HENMT1: variants seen among roughly 807,000 people sequenced by gnomAD.
HENMT1 encodes HEN methyltransferase 1, also known as small RNA 2'-O-methyltransferase.
Under a neutral mutation model 31.1 loss-of-function variants are expected in HENMT1, and 27 were observed. That is an observed-to-expected ratio of 0.87 (90% CI 0.64 to 1.20). The LOEUF is 1.20. Among genes scored for constraint, HENMT1 ranks in the 50% most tolerant of loss-of-function variants. HENMT1 has a pLI of 0.00. For missense variants in HENMT1, 438 were observed against 469.6 expected, an observed-to-expected ratio of 0.93 and a Z score of 0.62; for synonymous variants, 167 against 172.2, an observed-to-expected ratio of 0.97 and a Z score of 0.24.
rs12130280 is a variant in HENMT1 at position 108,655,485 on chromosome 1, C to T, written c.263+101G>A. 7.4e-3 allele frequency: 4,695 copies of T among 638,594 alleles called. 28 individuals are homozygous for T. The highest frequency in any genetic ancestry group is 9.3e-3 in the Non-Finnish European group (3,617 of 389,282). 39.6% of individuals were successfully genotyped at this position (638,594 alleles called of 1,614,324 possible). Reference sequence around the variant, plus strand: ...CAGTGAGTTGAAGATCCCTAATGGCCCCAATCTTTTAAAACAAATATAAAA... The same window carrying T: ...CAGTGAGTTGAAGATCCCTAATGGCTCCAATCTTTTAAAACAAATATAAAA... On this transcript the variant is annotated intron_variant, in intron 4 of 7. Coordinates refer to ENST00000651461, the MANE Select transcript of HENMT1 (RefSeq NM_001102592.2).
intron 7 of HENMT1, 99 bp from the exon 8 acceptor site, chr1:108,649,090 G>T: frequency 1.1e-6 from 1 of 911,428 alleles, no homozygotes; most frequent in Non-Finnish European, 1.6e-6. Flanking sequence ...AAGAATAAAT[G>T]TACATATTGA....
chr1:108,660,526 T>C (rs1658421360), intron 1 of HENMT1, among the ~76,000 whole-genome samples: 1 of 152,218 alleles, frequency 6.6e-6, no homozygotes, highest in African/African-American at 2.4e-5. Context: ...TCTATTCAAT[T>C]CACTCACGAA....
At chr1:108,656,977 T>C (rs1308932416) in intron 3 of HENMT1, among the ~76,000 whole-genome samples, 1 of 152,220 alleles carries the variant, frequency 6.6e-6, no homozygotes, top group Non-Finnish European at 1.5e-5. Context: ...CTGTGCTTTG[T>C]GTTCCAGGAA....
rs1658454659 is a variant in HENMT1 at position 108,661,062 on chromosome 1, A to T, written c.-178T>A. ...AAACAAAGCTCGTCGCGGAGCCGCCAGCGTCCTCAACTCAGCGCCGCCCTG... is the reference window on the plus strand; with the variant it reads ...AAACAAAGCTCGTCGCGGAGCCGCCTGCGTCCTCAACTCAGCGCCGCCCTG... On this transcript the variant is annotated 5_prime_UTR_variant, in exon 1 of 8. Transcript: ENST00000651461. The T allele has an allele frequency of 1.1e-6, 1 of 946,072 alleles. No individual in the cohort carries two copies. Among genetic ancestry groups the T allele is most frequent in the African/African-American group, 1.8e-5 (1 of 56,428 alleles). The allele number at this position is 946,072 out of a possible 1,614,324, so 58.6% of individuals were successfully genotyped here.
In HENMT1 at chr1:108,648,876, T is replaced by G. The variant is rs761334549; in HGVS notation, c.872A>C (p.Lys291Thr). Reference protein sequence around the residue: ...SLRVSHLPRRKEQAGERGDKP... With the variant: ...SLRVSHLPRRTEQAGERGDKP... Reference sequence around the variant, plus strand: ...ATCACCCCGTTCCCCAGCCTGTTCTTTCCGCCTTGGCAGGTGGCTCACTCT... The same window carrying G: ...ATCACCCCGTTCCCCAGCCTGTTCTGTCCGCCTTGGCAGGTGGCTCACTCT... Residue 291 changes from lysine (K) to threonine (T), a missense_variant, in exon 8 of 8, where the codon AAA becomes ACA. By Grantham distance (78) the Lys-to-Thr change is moderately conservative (BLOSUM62 -1). Coordinates refer to ENST00000651461, the MANE Select transcript of HENMT1 (RefSeq NM_001102592.2). The G allele has an allele frequency of 6.2e-7, 1 of 1,614,250 alleles. No homozygotes were observed. The highest frequency in any genetic ancestry group is 8.5e-7 in the Non-Finnish European group (1 of 1,180,044).
intron 5 of HENMT1, among the ~76,000 whole-genome samples, chr1:108,652,654 T>C (rs1053716605): frequency 6.6e-6 from 1 of 152,032 alleles, no homozygotes; most frequent in Non-Finnish European, 1.5e-5. Context: ...CACAAGAAAA[T>C]TGTAAACCAG....
intron 5 of HENMT1, among the ~76,000 whole-genome samples, chr1:108,653,815 T>G (rs1458388090): frequency 6.6e-6 from 1 of 152,218 alleles, no homozygotes; most frequent in East Asian, 1.9e-4. Flanking sequence ...ATTAATCCCT[T>G]GATGAATACT....
At position 108,648,815 on chromosome 1, in the gene HENMT1, G is replaced by C. The variant is rs777779386; in HGVS notation, c.933C>G (p.Val311=). 6.2e-7 allele frequency: 1 copy of C among 1,614,198 alleles called. No individual in the cohort carries two copies. The highest frequency in any genetic ancestry group is 8.5e-7 in the Non-Finnish European group (1 of 1,180,028). The change falls in exon 8 of 8, where the codon GTC becomes GTG. Residue 311 remains valine, a synonymous_variant. Coordinates refer to ENST00000651461, the MANE Select transcript of HENMT1 (RefSeq NM_001102592.2). ...CTGTGAAGACTGGTCCAAAGCATGG[G>C]ACAGGGGCCTTTGAGCCACCAATGT... is the stretch of plus-strand genomic sequence containing the variant. ...PKDIGGSKAP[V]PCFGPVFTEV...
Position 108,648,662 on chromosome 1 carries a change from C to A in HENMT1, c.1086G>T (p.Met362Ile). ...LNRLCANEEM[M>I]RSVIADSIPL... ...GAATTGAGTCAGCAATGACTGATCT[C>A]ATCATCTCTTCATTAGCACATAAGC... Residue 362 changes from methionine to isoleucine, a missense_variant, in exon 8 of 8, where the codon ATG becomes ATT. Transcript: ENST00000651461. 1 of 1,614,202 alleles carries A rather than the reference C, an allele frequency of 6.2e-7. No homozygotes were observed. Among genetic ancestry groups the A allele is most frequent in the Non-Finnish European group, 8.5e-7 (1 of 1,180,028 alleles).
rs761187880 is a variant in HENMT1 at position 108,648,666 on chromosome 1, A to G, written c.1082T>C (p.Met361Thr). 1 of 1,614,128 alleles carries G rather than the reference A, an allele frequency of 6.2e-7. No individual in the cohort carries two copies. The highest frequency in any genetic ancestry group is 1.3e-5 in the African/African-American group (1 of 74,954). The change falls in exon 8 of 8, where the codon ATG becomes ACG. Residue 361 changes from methionine (M) to threonine (T), a missense_variant. Transcript: ENST00000651461. The part of the protein sequence containing the change: ...KLNRLCANEE[M>T]MRSVIADSIP... ...TGAGTCAGCAATGACTGATCTCATCATCTCTTCATTAGCACATAAGCGGTT... is the reference window on the plus strand; with the variant it reads ...TGAGTCAGCAATGACTGATCTCATCGTCTCTTCATTAGCACATAAGCGGTT...
At chr1:108,661,244 C>T (rs891449839), upstream of HENMT1, 2 of 152,314 alleles carry the variant, frequency 1.3e-5, no homozygotes, top group Non-Finnish European at 2.9e-5. Context: ...CGAGCTCCGT[C>T]CCTCTAGGCT....
At chr1:108,650,162 A>G (rs769691462) in intron 7 of HENMT1, 49 bp downstream of exon 7, 1 of 1,566,556 alleles carries the variant, frequency 6.4e-7, no homozygotes, top group Admixed American at 1.7e-5. Flanking sequence ...AAAGTTCACC[A>G]TCCTAATGTA....
intron 1 of HENMT1, among the ~76,000 whole-genome samples, chr1:108,660,246 A>G (rs1658408646): frequency 6.6e-6 from 1 of 152,120 alleles, no homozygotes; most frequent in African/African-American, 2.4e-5. Context: ...CACAGAATGT[A>G]TCCAGTATTT....
At chr1:108,655,498 A>G (rs1222936583) in intron 4 of HENMT1, 88 bp downstream of exon 4, 1 of 746,336 alleles carries the variant, frequency 1.3e-6, no homozygotes, top group Non-Finnish European at 2.1e-6. Flanking sequence ...AATCTTTTAA[A>G]ACAAATATAA....
At position 108,661,050 on chromosome 1, in the gene HENMT1, C is replaced by T; in HGVS notation, c.-166G>A. ...GCCCAACCGAAAAAACAAAGCTCGT[C>T]GCGGAGCCGCCAGCGTCCTCAACTC... On this transcript the variant is annotated 5_prime_UTR_variant, in exon 1 of 8. Transcript: ENST00000651461. 2 of 975,940 alleles carry T rather than the reference C, an allele frequency of 2.0e-6. No homozygotes were observed. The highest frequency in any genetic ancestry group is 2.4e-6 in the Non-Finnish European group (2 of 821,352). The allele number at this position is 975,940 out of a possible 1,614,324, so 60.5% of individuals were successfully genotyped here. A position where few individuals can be genotyped will look rare whatever the true frequency, so the allele number is the denominator to read the frequency against.
rs1436220104 is a variant in HENMT1 at position 108,654,815 on chromosome 1, T to C, written c.299A>G (p.Lys100Arg). 6.2e-7 allele frequency: 1 copy of C among 1,614,114 alleles called. No homozygotes were observed. The highest frequency in any genetic ancestry group is 1.1e-5 in the South Asian group (1 of 91,082). ...SLAPFLGDFLKPRDLNLTITL... is the reference protein window; with the variant it reads ...SLAPFLGDFLRPRDLNLTITL... ...GATGGTCAAATTCAGATCCCGAGGTTTCAGAAAATCCCCCAGGAAAGGAGC... is the reference window on the plus strand; with the variant it reads ...GATGGTCAAATTCAGATCCCGAGGTCTCAGAAAATCCCCCAGGAAAGGAGC... The change falls in exon 5 of 8, where the codon AAA becomes AGA. Residue 100 changes from lysine to arginine, a missense_variant. Coordinates refer to ENST00000651461, the MANE Select transcript of HENMT1 (RefSeq NM_001102592.2).
At chr1:108,657,645 G>GAAA in intron 2 of HENMT1, 66 bp from the exon 3 acceptor site, 1 of 1,399,988 alleles carries the variant, frequency 7.1e-7, no homozygotes, top group Admixed American at 2.4e-5. Flanking sequence ...TAAATAAGGG[G>GAAA]CAAAAAAAAA....
At chr1:108,652,423 A>G (rs1323926196) in intron 5 of HENMT1, among the ~76,000 whole-genome samples, 1 of 152,224 alleles carries the variant, frequency 6.6e-6, no homozygotes, top group Non-Finnish European at 1.5e-5. Flanking sequence ...GACACAGTAA[A>G]TAGGATCAAA....
chr1:108,648,735 T>G lies in HENMT1; in HGVS notation c.1013A>C (p.Lys338Thr), dbSNP rs747539286. ...GAGTCTCTGCAGAGGTACGAAAAATTTATCTCCAACACAGAAGGGTGTGGG... is the reference window on the plus strand; with the variant it reads ...GAGTCTCTGCAGAGGTACGAAAAATGTATCTCCAACACAGAAGGGTGTGGG... ...NSPTPFCVGDKFFVPLQRLLA... is the reference protein window; with the variant it reads ...NSPTPFCVGDTFFVPLQRLLA... Residue 338 changes from lysine to threonine, a missense_variant, in exon 8 of 8, where the codon AAA (lysine) becomes ACA (threonine). By Grantham distance (78) the Lys-to-Thr change is moderately conservative. Transcript: ENST00000651461. 3.7e-6 allele frequency: 6 copies of G among 1,614,150 alleles called. No homozygotes were observed. The highest frequency in any genetic ancestry group is 2.5e-6 in the Non-Finnish European group (3 of 1,180,026).
Sources: gnomAD v4.1 joint callset for allele counts (sites outside exome capture counted in the v4.1 genomes callset) on GRCh38, gnomAD v4.1.1 for gene constraint, MANE v1.5 for transcripts, NCBI Gene and HGNC (gene_info 2026-07-23, HGNC 2026-07-21) for gene names.